Variants in PLCH2 observed in about 807,000 individuals in gnomAD.
PLCH2 encodes 1-phosphatidylinositol 4,5-bisphosphate phosphodiesterase eta-2.
In PLCH2, 98 loss-of-function variants were observed where a neutral mutation model predicts 134.7. The ratio of observed to expected loss-of-function variants is 0.73; its 90% confidence interval spans 0.62 to 0.86. The LOEUF (loss-of-function observed/expected upper bound fraction) is 0.86, where lower values mean the gene tolerates loss of function less well. Among genes scored for constraint, PLCH2 ranks in the 40% least tolerant of loss-of-function variants. The probability of loss-of-function intolerance (pLI) is 0.00; values close to 1 mark genes in which losing one functional copy is unlikely to be tolerated. For synonymous variants in PLCH2, 974 were observed against 827.5 expected, an observed-to-expected ratio of 1.18 and a Z score of -3.04; for missense variants, 1,994 against 1,986.6, an observed-to-expected ratio of 1.00 and a Z score of -0.07.
intron 4 of PLCH2, among the ~76,000 whole-genome samples, chr1:2,482,518 G>A (rs1220717447): frequency 1.3e-5 from 2 of 152,220 alleles, no homozygotes; most frequent in African/African-American, 2.4e-5. Context: ...GCTTTAGCTG[G>A]GCCCTTCATG....
chr1:2,503,586 C>G (rs1279448436), intron 21 of PLCH2: 5 of 689,446 alleles, frequency 7.3e-6, no homozygotes, highest in Non-Finnish European at 1.1e-5. Context: ...CCAAGCTTTC[C>G]TTTCTGCCCC....
intron 10 of PLCH2, among the ~76,000 whole-genome samples, chr1:2,490,373 G>A (rs932173350): frequency 6.6e-6 from 1 of 152,166 alleles, no homozygotes; most frequent in African/African-American, 2.4e-5. Flanking sequence ...TCTGATATGG[G>A]GGTCCCACCA....
intron 11 of PLCH2, 122 bp from the exon 12 acceptor site, chr1:2,494,734 C>G (rs1002139720): frequency 2.0e-6 from 1 of 510,548 alleles, no homozygotes; most frequent in African/African-American, 1.9e-5. Context: ...CTGCCTTACT[C>G]CAGACCTGGC....
At chr1:2,468,114 G>A (rs142686021) in intron 1 of PLCH2, among the ~76,000 whole-genome samples, 81 of 152,302 alleles carry the variant, frequency 5.3e-4, no homozygotes, top group Non-Finnish European at 9.1e-4. Flanking sequence ...GTAGGCTCTG[G>A]CTTTTGGCTC....
chr1:2,463,189 C>A (rs772547957), upstream of PLCH2, among the ~76,000 whole-genome samples: 12 of 152,122 alleles, frequency 7.9e-5, no homozygotes, highest in Non-Finnish European at 1.6e-4. Flanking sequence ...AGGGCCAGTG[C>A]GACTGTTGTG....
chr1:2,465,059 T>C (rs1640992363), upstream of PLCH2, among the ~76,000 whole-genome samples: 1 of 152,082 alleles, frequency 6.6e-6, no homozygotes, highest in Non-Finnish European at 1.5e-5. Flanking sequence ...AGTGTTTCCA[T>C]TGCACATCAA....
In PLCH2 at chr1:2,470,566, C is replaced by T. The variant is rs143581233; in HGVS notation, c.43+2904C>T. 8.8e-3 allele frequency among the ~76,000 whole-genome samples: 1,343 copies of T among 152,330 alleles called. 12 individuals carry two copies. Among genetic ancestry groups the T allele is most frequent in the East Asian group, 0.029 (148 of 5,182 alleles). ...CTGGCCGGGAAGAGCAGCCCCGTGCCGGGACGGATGTGGCGGGCTCAGCCT... is the reference window on the plus strand; with the variant it reads ...CTGGCCGGGAAGAGCAGCCCCGTGCTGGGACGGATGTGGCGGGCTCAGCCT... On this transcript the variant is annotated intron_variant, in intron 1 of 21. Transcript: ENST00000449969.
At chr1:2,473,892 A>C (rs917447161), upstream of PLCH2, among the ~76,000 whole-genome samples, 2 of 152,216 alleles carry the variant, frequency 1.3e-5, no homozygotes, top group African/African-American at 4.8e-5. Context: ...AGCCAGGTGC[A>C]TTGCTACAAT....
At chr1:2,495,087 G>A (rs1346094842) in intron 12 of PLCH2, 139 bp downstream of exon 12, 16 of 640,022 alleles carry the variant, frequency 2.5e-5, no homozygotes, top group Non-Finnish European at 3.3e-5. Context: ...CCCAGCCAGA[G>A]CAGATGGGGG....
intron 2 of PLCH2, among the ~76,000 whole-genome samples, chr1:2,443,551 C>T (rs1283980806): frequency 6.6e-6 from 1 of 151,930 alleles, no homozygotes; most frequent in African/African-American, 2.4e-5. Flanking sequence ...AGCATCTTTG[C>T]GGAGAAAGTA....
At chr1:2,433,561 G>T (rs533351238) in intron 2 of PLCH2, among the ~76,000 whole-genome samples, 8 of 152,316 alleles carry the variant, frequency 5.3e-5, no homozygotes, top group African/African-American at 1.9e-4. Context: ...CGGTGTGTCC[G>T]CACAGCAGGA....
In PLCH2 at chr1:2,498,647, G is replaced by GGTGGGGACCGTGGGGAGGTGGGGGCC. The variant is rs1553255010; in HGVS notation, c.2349+6_2349+7insACCGTGGGGAGGTGGGGGCCGTGGGG. 11 of 1,563,572 alleles carry GGTGGGGACCGTGGGGAGGTGGGGGCC rather than the reference G, an allele frequency of 7.0e-6. No individual in the cohort carries two copies. The South Asian group carries it at 1.2e-4, about 17-fold the overall frequency. On this transcript the variant is annotated frameshift_variant and splice_region_variant. Transcript: ENST00000378486. LOFTEE classifies it high-confidence loss of function. The surrounding 1 kb of genome is among the most constrained non-coding windows in gnomAD (Gnocchi z 5.4). ...ACTCCATGCTGGGGGACCGTGGGGA[G>GGTGGGGACCGTGGGGAGGTGGGGGCC]GTGGGGGCCAGCCCCACACAGGCGG...
chr1:2,469,235 G>A (rs189194700), intron 1 of PLCH2, among the ~76,000 whole-genome samples: 130 of 152,320 alleles, frequency 8.5e-4, no homozygotes, highest in South Asian at 1.9e-3. Context: ...GGGGCTGGCT[G>A]CTGCCGGGTG....
the PLCH2 span, among the ~76,000 whole-genome samples, chr1:2,417,379 A>T: frequency 2.0e-5 from 3 of 151,578 alleles, no homozygotes; most frequent in African/African-American, 7.3e-5. Context: ...GGAGGCTGGG[A>T]TTGTTGGGTT....
At position 2,499,178 on chromosome 1, in the gene PLCH2, C is replaced by T. The variant is rs2296442; in HGVS notation, c.2529C>T (p.Ile843=). ...TCCTCGTCTGGGACCACGATCCCAT[C>T]GGGCGTGACTTCATTGGCCAGAGGA... ...VRFLVWDHDP[I]GRDFIGQRTL... The change falls in exon 19 of 22, where the codon ATC becomes ATT. Residue 843 remains isoleucine, a synonymous_variant. Transcript: ENST00000378486. The T allele has an allele frequency of 0.45, 725,331 of 1,612,608 alleles. 166,656 individuals are homozygous for T. Among genetic ancestry groups the T allele is most frequent in the East Asian group, 0.52 (23,212 of 44,832 alleles).
intron 4 of PLCH2, among the ~76,000 whole-genome samples, chr1:2,481,830 C>T (rs1318816325): frequency 1.3e-5 from 2 of 152,272 alleles, no homozygotes; most frequent in Admixed American, 1.3e-4. Context: ...ACTGCATCCT[C>T]TCTGGGCCCT....
At chr1:2,459,066 C>T (rs1399973754) in intron 2 of PLCH2, among the ~76,000 whole-genome samples, 1 of 152,256 alleles carries the variant, frequency 6.6e-6, no homozygotes, top group Non-Finnish European at 1.5e-5. Flanking sequence ...AATCCTGCTC[C>T]CCGGTGGCTG....
At chr1:2,470,190 C>T (rs1641259601) in intron 1 of PLCH2, among the ~76,000 whole-genome samples, 1 of 152,240 alleles carries the variant, frequency 6.6e-6, no homozygotes, top group Admixed American at 6.5e-5. Flanking sequence ...GATCAGGCCC[C>T]TGGCTGCTCC....
Position 2,495,231 on chromosome 1 carries a change from G to C in PLCH2, c.1753-257G>C, listed in dbSNP as rs538353555. ...GCTGGTGGGAACAGGTGCCTGGCTG[G>C]CTCACATCCCTTCTCTGGCCCACGC... On this transcript the variant is annotated intron_variant, in intron 12 of 21. Coordinates refer to ENST00000378486, the MANE Select transcript of PLCH2 (RefSeq NM_014638.4). 9.8e-5 allele frequency among the ~76,000 whole-genome samples: 15 copies of C among 152,332 alleles called. No individual in the cohort carries two copies. In the East Asian group the frequency reaches 2.9e-3, roughly 29 times the overall value.
Sources: gnomAD v4.1 joint callset for allele counts (sites outside exome capture counted in the v4.1 genomes callset) on GRCh38, gnomAD v4.1.1 for gene constraint, Gnocchi (gnomAD v3.1) non-coding constraint, MANE v1.5 for transcripts, NCBI Gene and HGNC (gene_info 2026-07-23, HGNC 2026-07-21) for gene names.